The following RALB variants were observed in gnomAD, a reference collection of about 807,000 sequenced individuals.
The protein encoded by RALB is RAS like proto-oncogene B, also known as ras-related protein Ral-B.
A neutral mutation model predicts 21.3 loss-of-function variants in RALB; 16 were observed. The ratio of observed to expected loss-of-function variants is 0.75; its 90% confidence interval spans 0.51 to 1.14. The LOEUF (loss-of-function observed/expected upper bound fraction) is 1.14. RALB is among the 50% of genes most tolerant of loss of function. The pLI is 0.00. For synonymous variants in RALB, 93 were observed against 96.1 expected (o/e 0.97, Z 0.19); for missense variants, 161 against 256.2 (o/e 0.63, Z 2.54).
At position 120,258,478 on chromosome 2, in the gene RALB, C is replaced by T. The variant is rs553476929; in HGVS notation, c.-48+5498C>T. ...CTGGAAGAAGGCAAGGAAAAGGCCA[C>T]GGAGGCCACGGCCAGTGGAGGGTTT... On this transcript the variant is annotated intron_variant, in intron 1 of 4. Coordinates refer to ENST00000272519, the MANE Select transcript of RALB (RefSeq NM_002881.3). Among the ~76,000 whole-genome samples the T allele has an allele frequency of 8.5e-5, 13 of 152,264 alleles. No individual in the cohort carries two copies. In the East Asian group the frequency reaches 2.1e-3, roughly 25 times the overall value.
At chr2:120,292,498 C>G (rs1027098285) in intron 4 of RALB, among the ~76,000 whole-genome samples, 7 of 152,126 alleles carry the variant, frequency 4.6e-5, no homozygotes, top group Non-Finnish European at 7.4e-5. Context: ...GGAGCAGGGA[C>G]TCATTATGGC....
intron 2 of RALB, among the ~76,000 whole-genome samples, chr2:120,280,161 CAGCTTGTACAGTGA>C (rs1343550413): frequency 6.6e-6 from 1 of 152,212 alleles, no homozygotes; most frequent in African/African-American, 2.4e-5. Flanking sequence ...TCAGATCTTA[CAGCTTGTACAGTGA>C]AGCTCAATAG....
intron 1 of RALB, among the ~76,000 whole-genome samples, chr2:120,262,545 G>A (rs1689391520): frequency 1.3e-5 from 2 of 152,120 alleles, no homozygotes; most frequent in South Asian, 4.1e-4. Context: ...CACTTCTGGT[G>A]GTGACTGTTC....
At chr2:120,258,386 C>T (rs866463131) in intron 1 of RALB, among the ~76,000 whole-genome samples, 8 of 152,020 alleles carry the variant, frequency 5.3e-5, no homozygotes, top group South Asian at 2.1e-4. Context: ...TGTGCAGGCA[C>T]GCGTGATTGG....
chr2:120,274,397 G>A (rs982861612), intron 1 of RALB, among the ~76,000 whole-genome samples: 1 of 152,018 alleles, frequency 6.6e-6, no homozygotes, highest in Non-Finnish European at 1.5e-5. Context: ...GCCTGGTGTA[G>A]GCAGGCGGTC....
intron 1 of RALB, chr2:120,253,316 C>T: frequency 1.1e-6 from 1 of 870,404 alleles, no homozygotes; most frequent in Non-Finnish European, 1.4e-6. Flanking sequence ...TCGGGACCGT[C>T]CACTTCCTCA....
chr2:120,274,124 A>G (rs930930429), intron 1 of RALB, among the ~76,000 whole-genome samples: 13 of 152,174 alleles, frequency 8.5e-5, no homozygotes, highest in African/African-American at 3.1e-4. Flanking sequence ...GGATTGATTC[A>G]GAGAAATTGT....
rs887329477 is a variant in RALB at position 120,277,928 on chromosome 2, C to A, written c.-47-690C>A. On this transcript the variant is annotated intron_variant, in intron 1 of 4. Transcript: ENST00000272519. Reference sequence around the variant, plus strand: ...GTGTGTGAATGTGAGTTAATGTGAGCGTGTGTGAGCGAGTGTGAATGTGTG... The same window carrying A: ...GTGTGTGAATGTGAGTTAATGTGAGAGTGTGTGAGCGAGTGTGAATGTGTG... Among the ~76,000 whole-genome samples the A allele has an allele frequency of 7.6e-5, 7 of 91,724 alleles. No homozygotes were observed. The South Asian group carries it at 2.4e-3, about 31-fold the overall frequency. The allele number at this position is 91,724 out of a possible 152,430, so 60.2% of individuals were successfully genotyped here. A position where few individuals can be genotyped will look rare whatever the true frequency, so the allele number is the denominator to read the frequency against.
At position 120,293,255 on chromosome 2, in the gene RALB, C is replaced by T. The variant is rs749402004; in HGVS notation, c.616C>T (p.Leu206=). The T allele has an allele frequency of 5.6e-6, 9 of 1,611,910 alleles. No homozygotes were observed. Among genetic ancestry groups the T allele is most frequent in the Middle Eastern group, 1.7e-4 (1 of 6,050 alleles). The part of the protein sequence containing the change: ...KKSFKERCCL[L] The stretch of plus-strand genomic sequence containing the variant: ...AAGTTTTAAAGAAAGATGTTGCTTA[C>T]TATGAGTGTCAAGGTGACGGATGAA... The change falls in exon 5 of 5, where the codon CTA becomes TTA. Residue 206 remains leucine, a synonymous_variant. Transcript: ENST00000272519.
intron 1 of RALB, among the ~76,000 whole-genome samples, chr2:120,266,526 C>T (rs1689505916): frequency 6.6e-6 from 1 of 152,046 alleles, no homozygotes; most frequent in Non-Finnish European, 1.5e-5. Context: ...GGATTACAGG[C>T]GTGAGCCACT....
At chr2:120,265,744 T>A (rs1689486205) in intron 1 of RALB, among the ~76,000 whole-genome samples, 1 of 151,570 alleles carries the variant, frequency 6.6e-6, no homozygotes, top group Non-Finnish European at 1.5e-5. Flanking sequence ...AAACTCTGTT[T>A]GAGTGTATGC....
intron 1 of RALB, among the ~76,000 whole-genome samples, chr2:120,256,313 G>A (rs1689197913): frequency 6.6e-6 from 1 of 152,052 alleles, no homozygotes; most frequent in Non-Finnish European, 1.5e-5. Flanking sequence ...TGACGGGGGT[G>A]GGGAGAGAGG....
At chr2:120,247,042 C>T (rs1048875672) in intron 1 of RALB, among the ~76,000 whole-genome samples, 4 of 152,156 alleles carry the variant, frequency 2.6e-5, no homozygotes, top group East Asian at 1.9e-4. Context: ...TGGAGTACTT[C>T]GCAGCTGTCA....
chr2:120,269,901 C>T lies in RALB; in HGVS notation c.-47-8717C>T, dbSNP rs527880706. ...TAGTTGCTTATTTTTTCCCAAAAGG[C>T]TGTGGCAGTTAATAATATCAGTAGT... On this transcript the variant is annotated intron_variant, in intron 1 of 4. Transcript: ENST00000272519. Among the ~76,000 whole-genome samples, 141 of 152,312 alleles carry T rather than the reference C, an allele frequency of 9.3e-4. 1 individual carries two copies. The highest frequency in any genetic ancestry group is 3.2e-3 in the African/African-American group (134 of 41,566).
intron 1 of RALB, among the ~76,000 whole-genome samples, chr2:120,245,469 C>A (rs1397862831): frequency 6.6e-6 from 1 of 152,182 alleles, no homozygotes. Flanking sequence ...CTGCCCTAAA[C>A]AAGCCCCTCA....
chr2:120,244,617 C>A (rs774556415), intron 1 of RALB, among the ~76,000 whole-genome samples: 1 of 139,906 alleles, frequency 7.1e-6, no homozygotes, highest in Non-Finnish European at 1.5e-5. Flanking sequence ...GCCATTCCCT[C>A]ATCCATCCAT....
rs570509001 is a variant in RALB, at chr2:120,290,284, C to T, written c.501+527C>T. On this transcript the variant is annotated intron_variant, in intron 4 of 4. Coordinates refer to ENST00000272519, the MANE Select transcript of RALB (RefSeq NM_002881.3). ...GATTACAGGTGTGAGCCACCACACC[C>T]GGCGGACTATGCTTACTGTTGGTGT... Among the ~76,000 whole-genome samples, 5 of 152,260 alleles carry T rather than the reference C, an allele frequency of 3.3e-5. No homozygotes were observed. In the South Asian group the frequency reaches 6.2e-4, roughly 19 times the overall value.
intron 3 of RALB, among the ~76,000 whole-genome samples, chr2:120,286,917 A>C (rs6714344): frequency 0.056 from 8,594 of 152,292 alleles, 829 homozygotes; most frequent in African/African-American, 0.2. Flanking sequence ...TTTGTTATAA[A>C]GAAATAGCCT....
At position 120,294,459 on chromosome 2, in the gene RALB, C is replaced by A; in HGVS notation, c.*1199C>A. The A allele has an allele frequency of 2.5e-6, 1 of 392,434 alleles. No homozygotes were observed. The allele number at this position is 392,434 out of a possible 1,614,324, so 24.3% of individuals were successfully genotyped here. ...TCTTGCATCAGTATTCTAAATTGAGCAAACTGAAAGATTTTCATCAGGAAA... is the reference window on the plus strand; with the variant it reads ...TCTTGCATCAGTATTCTAAATTGAGAAAACTGAAAGATTTTCATCAGGAAA... On this transcript the variant is annotated 3_prime_UTR_variant, in exon 5 of 5. Coordinates refer to ENST00000272519, the MANE Select transcript of RALB (RefSeq NM_002881.3).
Sources: allele counts gnomAD v4.1 joint callset (sites outside exome capture counted in the v4.1 genomes callset), GRCh38; gene constraint gnomAD v4.1.1; transcripts MANE v1.5; gene names NCBI Gene and HGNC (gene_info 2026-07-23, HGNC 2026-07-21).